The following ITPR1 variants were observed in gnomAD, a reference collection of about 807,000 sequenced individuals.
ITPR1 encodes the protein inositol 1,4,5-trisphosphate receptor type 1, also known as inositol 1,4,5-trisphosphate-gated calcium channel ITPR1.
ITPR1 carries 96 observed loss-of-function variants against 318.4 expected under a neutral mutation model. That is an observed-to-expected ratio of 0.30 (90% CI 0.26 to 0.36). ITPR1 has a LOEUF of 0.36. ITPR1 is among the 10% of genes least tolerant of loss of function. ITPR1 has a pLI of 1.00. For synonymous variants in ITPR1, 1,312 were observed against 1,289.9 expected (o/e 1.02, Z -0.37); for missense variants, 2,440 against 3,460.2 (o/e 0.71, Z 7.40).
chr3:4,513,890 C>T (rs868670494), intron 2 of ITPR1, among the ~76,000 whole-genome samples: 1 of 151,884 alleles, frequency 6.6e-6, no homozygotes. Flanking sequence ...GTTCAAGACC[C>T]GCCTGTCCAA....
intron 4 of ITPR1, among the ~76,000 whole-genome samples, chr3:4,571,087 G>A (rs1283323002): frequency 2.6e-5 from 4 of 152,130 alleles, no homozygotes; most frequent in African/African-American, 9.7e-5. Context: ...GCACAAGTCC[G>A]TGAAGCCTTT....
At chr3:4,672,528 T>C (rs976330661) in intron 20 of ITPR1, among the ~76,000 whole-genome samples, 1 of 152,230 alleles carries the variant, frequency 6.6e-6, no homozygotes, top group African/African-American at 2.4e-5. Flanking sequence ...TGATGAATCT[T>C]CTCCCAAGTG....
chr3:4,716,167 A>T (rs868119573), intron 39 of ITPR1, among the ~76,000 whole-genome samples: 1 of 152,216 alleles, frequency 6.6e-6, no homozygotes, highest in East Asian at 1.9e-4. Context: ...TGCAATGCCT[A>T]CTAATCTCTG....
chr3:4,511,117 C>A (rs1356967609), intron 2 of ITPR1, among the ~76,000 whole-genome samples: 2 of 152,128 alleles, frequency 1.3e-5, no homozygotes, highest in East Asian at 3.9e-4. Context: ...TTTGGGAATC[C>A]TCTTCACGTA....
intron 37 of ITPR1, among the ~76,000 whole-genome samples, chr3:4,708,566 C>T (rs189915915): frequency 8.7e-4 from 132 of 152,346 alleles, no homozygotes; most frequent in Non-Finnish European, 1.6e-3. Context: ...GTTGTAGACT[C>T]CTCACTCCAT....
intron 4 of ITPR1, among the ~76,000 whole-genome samples, chr3:4,583,545 C>G (rs1380591996): frequency 6.6e-6 from 1 of 152,186 alleles, no homozygotes; most frequent in Admixed American, 6.5e-5. Context: ...CTGTGCAATC[C>G]AGGCTAGTGG....
intron 44 of ITPR1, 65 bp from the exon 45 acceptor site, chr3:4,766,465 G>A: frequency 7.2e-7 from 1 of 1,397,288 alleles, no homozygotes; most frequent in Non-Finnish European, 1.0e-6. Flanking sequence ...AGGTTTTGGT[G>A]TCATGAGTGG....
At chr3:4,807,417 A>G (rs2048649810) in intron 55 of ITPR1, among the ~76,000 whole-genome samples, 1 of 152,200 alleles carries the variant, frequency 6.6e-6, no homozygotes, top group African/African-American at 2.4e-5. Context: ...CGCTTAACGT[A>G]CTTGACTGCC....
At chr3:4,777,439 C>CACAT in intron 48 of ITPR1, 65 bp downstream of exon 48, 1 of 905,628 alleles carries the variant, frequency 1.1e-6, no homozygotes, top group Non-Finnish European at 1.8e-6. Context: ...TTTGCCTTGG[C>CACAT]ACATGCACAT....
chr3:4,725,343 C>A (rs1337445237), intron 40 of ITPR1, among the ~76,000 whole-genome samples: 1 of 152,070 alleles, frequency 6.6e-6, no homozygotes, highest in Non-Finnish European at 1.5e-5. Context: ...ATTGTCTCCT[C>A]CAGCACAACC....
intron 60 of ITPR1, among the ~76,000 whole-genome samples, chr3:4,819,647 G>C (rs2049551733): frequency 1.3e-5 from 2 of 152,194 alleles, no homozygotes; most frequent in African/African-American, 4.8e-5. Context: ...CTCACCTCTA[G>C]TATTGTATTT....
At chr3:4,843,587 A>G (rs952390531) in intron 61 of ITPR1, among the ~76,000 whole-genome samples, 2 of 152,242 alleles carry the variant, frequency 1.3e-5, no homozygotes, top group Non-Finnish European at 2.9e-5. Context: ...ATTCTGGCGC[A>G]TGCTGAAGTT....
At chr3:4,526,688 C>T (rs755461178) in intron 4 of ITPR1, among the ~76,000 whole-genome samples, 1 of 152,192 alleles carries the variant, frequency 6.6e-6, no homozygotes, top group South Asian at 2.1e-4. Flanking sequence ...TTGATGTTCC[C>T]ATTATGCAGT....
intron 61 of ITPR1, 41 bp downstream of exon 61, chr3:4,836,976 TC>T: frequency 6.7e-7 from 1 of 1,491,052 alleles, no homozygotes; most frequent in African/African-American, 1.4e-5. Context: ...CCCATCACTA[TC>T]CCCACCCACA....
intron 4 of ITPR1, among the ~76,000 whole-genome samples, chr3:4,567,962 T>C (rs1349300488): frequency 6.9e-6 from 1 of 144,752 alleles, no homozygotes; most frequent in Non-Finnish European, 1.5e-5. Flanking sequence ...ACACTCCCAG[T>C]AAGTCACGTA....
intron 60 of ITPR1, among the ~76,000 whole-genome samples, chr3:4,834,361 A>G (rs60985267): frequency 0.01 from 1,588 of 152,298 alleles, 22 homozygotes; most frequent in African/African-American, 0.035. Flanking sequence ...ACATTGTTGT[A>G]TCCAAAGTGG....
chr3:4,657,374 G>A (rs78366681), intron 12 of ITPR1, among the ~76,000 whole-genome samples: 7,598 of 147,592 alleles, frequency 0.051, 687 homozygotes, highest in African/African-American at 0.19. Flanking sequence ...CCTGCGGATG[G>A]ATGTACCTAG....
At chr3:4,568,165 T>C (rs115581225) in intron 4 of ITPR1, among the ~76,000 whole-genome samples, 1,943 of 152,300 alleles carry the variant, frequency 0.013, 37 homozygotes, top group African/African-American at 0.044. Flanking sequence ...ACATAGAGTT[T>C]GTGTTAAAAC....
intron 5 of ITPR1, among the ~76,000 whole-genome samples, chr3:4,635,947 G>T (rs1425629299): frequency 1.3e-5 from 2 of 151,188 alleles, no homozygotes; most frequent in African/African-American, 4.9e-5. Context: ...TGCAACCTCT[G>T]CCTCCTGGGT....
Sources: allele counts gnomAD v4.1 joint callset (sites outside exome capture counted in the v4.1 genomes callset), GRCh38; gene constraint gnomAD v4.1.1; transcripts MANE v1.5; gene names NCBI Gene and HGNC (gene_info 2026-07-23, HGNC 2026-07-21).